The following GALNT7 variants were observed in gnomAD, a reference collection of about 807,000 sequenced individuals.
The protein encoded by GALNT7 is N-acetylgalactosaminyltransferase 7.
A neutral mutation model predicts 82.1 loss-of-function variants in GALNT7; 60 were observed. The observed-to-expected ratio is 0.73, with a 90% CI of 0.59 to 0.91. GALNT7 has a LOEUF of 0.91. Ranked by LOEUF, GALNT7 falls within the 40% of genes least tolerant of loss-of-function variation. The pLI is 0.00. For synonymous variants in GALNT7, 243 were observed against 275.1 expected (o/e 0.88, Z 1.15); for missense variants, 660 against 804.2 (o/e 0.82, Z 2.17).
intron 1 of GALNT7, among the ~76,000 whole-genome samples, chr4:173,217,128 T>A (rs1396618956): frequency 2.0e-5 from 3 of 152,122 alleles, no homozygotes; most frequent in Non-Finnish European, 2.9e-5. Flanking sequence ...TCATCTACTG[T>A]AAGTACATTA....
At chr4:173,295,321 T>TG in intron 3 of GALNT7, 75 bp from the exon 4 acceptor site, 1 of 1,067,518 alleles carries the variant, frequency 9.4e-7, no homozygotes, top group Non-Finnish European at 1.4e-6. Context: ...CCTGTATTCT[T>TG]GTTTCCTGAG....
intron 1 of GALNT7, among the ~76,000 whole-genome samples, chr4:173,201,657 T>C (rs986514255): frequency 1.3e-5 from 2 of 152,196 alleles, no homozygotes; most frequent in African/African-American, 4.8e-5. Context: ...TCAGAGCAGA[T>C]GAGCAACAGG....
At chr4:173,306,383 G>C (rs1737156567) in intron 8 of GALNT7, among the ~76,000 whole-genome samples, 7 of 152,228 alleles carry the variant, frequency 4.6e-5, no homozygotes, top group Admixed American at 3.9e-4. Context: ...AGTTGCTCTG[G>C]CTAAAACTTC....
At chr4:173,284,281 T>C (rs1261915847) in intron 2 of GALNT7, among the ~76,000 whole-genome samples, 1 of 152,232 alleles carries the variant, frequency 6.6e-6, no homozygotes, top group Non-Finnish European at 1.5e-5. Flanking sequence ...CAATTGTCTG[T>C]AAATGACAAA....
chr4:173,274,065 A>G (rs930864916), intron 2 of GALNT7, among the ~76,000 whole-genome samples: 1 of 152,204 alleles, frequency 6.6e-6, no homozygotes, highest in Admixed American at 6.5e-5. Context: ...AGCTATAAAC[A>G]TATGGCTTAC....
chr4:173,247,872 T>C (rs1734700990), intron 1 of GALNT7, 108 bp from the exon 2 acceptor site: 5 of 654,026 alleles, frequency 7.6e-6, no homozygotes, highest in Admixed American at 2.9e-5. Flanking sequence ...TTCCAAACTG[T>C]TTTATTGTTG....
chr4:173,319,158 G>T (rs1645217972), intron 11 of GALNT7, among the ~76,000 whole-genome samples: 1 of 152,082 alleles, frequency 6.6e-6, no homozygotes. Flanking sequence ...TTAAAGCTCT[G>T]TGGCAAGTTG....
At chr4:173,217,776 G>A (rs918779260) in intron 1 of GALNT7, among the ~76,000 whole-genome samples, 1 of 152,162 alleles carries the variant, frequency 6.6e-6, no homozygotes. Context: ...TCAAACTTCT[G>A]TGCAGACTTG....
chr4:173,201,046 T>C (rs1732929584), intron 1 of GALNT7, among the ~76,000 whole-genome samples: 1 of 152,184 alleles, frequency 6.6e-6, no homozygotes, highest in South Asian at 2.1e-4. Flanking sequence ...AATAAATGTG[T>C]TCAGATTAAG....
At chr4:173,272,366 A>G (rs1489443472) in intron 2 of GALNT7, among the ~76,000 whole-genome samples, 3 of 152,222 alleles carry the variant, frequency 2.0e-5, no homozygotes, top group African/African-American at 7.2e-5. Context: ...TGTTCACATG[A>G]GTTAAGTCAT....
chr4:173,249,373 A>G (rs1734773807), intron 2 of GALNT7, among the ~76,000 whole-genome samples: 1 of 152,192 alleles, frequency 6.6e-6, no homozygotes, highest in African/African-American at 2.4e-5. Flanking sequence ...ACCGCTAAGT[A>G]AAATCCTGTG....
At chr4:173,192,897 C>T (rs1279535452) in intron 1 of GALNT7, among the ~76,000 whole-genome samples, 4 of 152,184 alleles carry the variant, frequency 2.6e-5, no homozygotes, top group East Asian at 1.9e-4. Context: ...TGTATTCTCT[C>T]TCCTGGGATT....
chr4:173,318,301 TTCTAAACA>T (rs1737677314), intron 10 of GALNT7, 122 bp from the exon 11 acceptor site: 1 of 671,604 alleles, frequency 1.5e-6, no homozygotes, highest in African/African-American at 1.9e-5. Flanking sequence ...GGACTTACAG[TTCTAAACA>T]AAATTATGGA....
At chr4:173,174,541 C>T (rs559952143) in intron 1 of GALNT7, among the ~76,000 whole-genome samples, 65 of 152,336 alleles carry the variant, frequency 4.3e-4, no homozygotes, top group African/African-American at 1.5e-3. Context: ...TTTATCACTT[C>T]TGTGGAAAAG....
intron 2 of GALNT7, chr4:173,282,301 A>G (rs1736141664): frequency 1.3e-5 from 2 of 152,230 alleles, no homozygotes; most frequent in East Asian, 1.9e-4. Flanking sequence ...TATATGCCTC[A>G]AAAGGGGAGG....
At chr4:173,310,721 T>C (rs1022218133) in intron 8 of GALNT7, among the ~76,000 whole-genome samples, 6 of 152,084 alleles carry the variant, frequency 3.9e-5, no homozygotes, top group African/African-American at 1.4e-4. Flanking sequence ...CCTCATCTAA[T>C]TTTTTTATGT....
chr4:173,217,764 C>T (rs1424835832), intron 1 of GALNT7, among the ~76,000 whole-genome samples: 2 of 152,232 alleles, frequency 1.3e-5, no homozygotes, highest in African/African-American at 2.4e-5. Flanking sequence ...ATTTAATACA[C>T]ATCAAACTTC....
rs371336701 is a variant in GALNT7 at position 173,184,148 on chromosome 4, C to T, written c.126+15187C>T. On this transcript the variant is annotated intron_variant, in intron 1 of 11. Coordinates refer to ENST00000265000, the MANE Select transcript of GALNT7 (RefSeq NM_017423.3). ...CGGGGCAGAGGGGCTCCTCACATCCCAGACGATGGGCGGCCAGGCAGAGAC... is the reference window on the plus strand; with the variant it reads ...CGGGGCAGAGGGGCTCCTCACATCCTAGACGATGGGCGGCCAGGCAGAGAC... 4.2e-4 allele frequency among the ~76,000 whole-genome samples: 64 copies of T among 151,738 alleles called. 1 individual carries two copies. The East Asian group carries it at 0.011, about 27-fold the overall frequency.
chr4:173,216,395 G>T (rs1733464674), intron 1 of GALNT7, among the ~76,000 whole-genome samples: 1 of 152,084 alleles, frequency 6.6e-6, no homozygotes, highest in South Asian at 2.1e-4. Flanking sequence ...CTGGGCTTTT[G>T]ACATCAAGGA....
Sources: gnomAD v4.1 joint callset for allele counts (sites outside exome capture counted in the v4.1 genomes callset) on GRCh38, gnomAD v4.1.1 for gene constraint, MANE v1.5 for transcripts, NCBI Gene and HGNC (gene_info 2026-07-23, HGNC 2026-07-21) for gene names.